Variants in GRIK1 observed in about 807,000 individuals in gnomAD.
GRIK1 encodes the protein glutamate receptor ionotropic, kainate 1.
Under a neutral mutation model 105.7 loss-of-function variants are expected in GRIK1, and 69 were observed. The ratio of observed to expected loss-of-function variants is 0.65; its 90% CI spans 0.54 to 0.80. The LOEUF (loss-of-function observed/expected upper bound fraction) is 0.80. Ranked by LOEUF, GRIK1 falls within the 30% of genes least tolerant of loss-of-function variation. The pLI, the probability that GRIK1 is intolerant of heterozygous loss-of-function variation, is 0.00. For missense variants in GRIK1, 1,109 were observed against 1,167.3 expected (o/e 0.95, Z 0.73); for synonymous variants, 438 against 431.3 (o/e 1.02, Z -0.19).
At chr21:29,600,612 G>A (rs1014002949) in intron 7 of GRIK1, among the ~76,000 whole-genome samples, 6 of 152,120 alleles carry the variant, frequency 3.9e-5, no homozygotes, top group South Asian at 2.1e-4. Context: ...AGTTATTTGC[G>A]CCACGTATAT....
intron 1 of GRIK1, among the ~76,000 whole-genome samples, chr21:29,840,146 T>C (rs1476319215): frequency 1.3e-5 from 2 of 152,194 alleles, no homozygotes; most frequent in East Asian, 3.9e-4. Context: ...AGCCTTGAAA[T>C]TAGATGATTC....
At chr21:29,724,882 T>C (rs2064414379) in intron 1 of GRIK1, among the ~76,000 whole-genome samples, 1 of 152,192 alleles carries the variant, frequency 6.6e-6, no homozygotes, top group Non-Finnish European at 1.5e-5. Context: ...TTCTTCCTTT[T>C]CTTGGAGGTC....
intron 12 of GRIK1, among the ~76,000 whole-genome samples, chr21:29,585,477 C>T (rs1214773680): frequency 1.3e-5 from 2 of 152,118 alleles, no homozygotes; most frequent in African/African-American, 4.8e-5. Flanking sequence ...TTGGTCAAGT[C>T]ATGTAATAAA....
intron 1 of GRIK1, among the ~76,000 whole-genome samples, chr21:29,802,846 C>T (rs991656021): frequency 6.6e-6 from 1 of 152,124 alleles, no homozygotes; most frequent in African/African-American, 2.4e-5. Flanking sequence ...AATTTGATCC[C>T]GGATCTTCCA....
At chr21:29,845,312 G>A (rs540730939) in intron 1 of GRIK1, among the ~76,000 whole-genome samples, 16 of 151,840 alleles carry the variant, frequency 1.1e-4, no homozygotes, top group Non-Finnish European at 2.2e-4. Flanking sequence ...CCACATTTAT[G>A]GTAAAACACA....
chr21:29,539,429 C>T (rs1008544499), intron 16 of GRIK1, among the ~76,000 whole-genome samples: 7 of 152,014 alleles, frequency 4.6e-5, no homozygotes, highest in South Asian at 2.1e-4. Flanking sequence ...TATTGAATAC[C>T]GTGCTGAAAG....
At chr21:29,846,698 A>C (rs1424921035) in intron 1 of GRIK1, among the ~76,000 whole-genome samples, 1 of 134,322 alleles carries the variant, frequency 7.4e-6, no homozygotes, top group Non-Finnish European at 1.6e-5. Context: ...CTGCTTAAAG[A>C]ATGAGAAGGG....
At chr21:29,756,947 C>G (rs1438833452) in intron 1 of GRIK1, among the ~76,000 whole-genome samples, 1 of 151,918 alleles carries the variant, frequency 6.6e-6, no homozygotes, top group Non-Finnish European at 1.5e-5. Flanking sequence ...AACCCCATCT[C>G]TACTAAAAAC....
chr21:29,655,619 AG>A (rs1234647339), intron 4 of GRIK1, among the ~76,000 whole-genome samples: 1 of 152,176 alleles, frequency 6.6e-6, no homozygotes, highest in African/African-American at 2.4e-5. Flanking sequence ...ACTGGTATGT[AG>A]ATATGTTTAA....
intron 4 of GRIK1, among the ~76,000 whole-genome samples, chr21:29,665,716 A>G (rs2146616531): frequency 6.6e-6 from 1 of 152,360 alleles, no homozygotes; most frequent in South Asian, 2.1e-4. Context: ...TTGTTTACAG[A>G]TGAGGTGACT....
chr21:29,692,046 T>TAGTG (rs1196888410), intron 2 of GRIK1, among the ~76,000 whole-genome samples: 6 of 152,170 alleles, frequency 3.9e-5, no homozygotes, highest in African/African-American at 1.4e-4. Flanking sequence ...TGGAGCTGGA[T>TAGTG]AGTGTTGTTC....
At chr21:29,763,180 T>C (rs1239469641) in intron 1 of GRIK1, among the ~76,000 whole-genome samples, 3 of 152,172 alleles carry the variant, frequency 2.0e-5, no homozygotes, top group Non-Finnish European at 2.9e-5. Context: ...GCTGTTCTCA[T>C]GATAATGCAG....
chr21:29,793,346 G>A (rs1428773449), intron 1 of GRIK1, among the ~76,000 whole-genome samples: 2 of 152,174 alleles, frequency 1.3e-5, no homozygotes, highest in African/African-American at 4.8e-5. Flanking sequence ...ATAGTCCACA[G>A]GAATGTTGCT....
In GRIK1 at chr21:29,848,673, A is replaced by G. The variant is rs114914630; in HGVS notation, c.118+90710T>C. 2.7e-3 allele frequency among the ~76,000 whole-genome samples: 408 copies of G among 150,760 alleles called. 1 individual carries two copies. The highest frequency in any genetic ancestry group is 9.4e-3 in the African/African-American group (387 of 41,008). On this transcript the variant is annotated intron_variant, in intron 1 of 17. Transcript: ENST00000327783. ...CTTAATATCATCTACAAGGCTCTATATAGCCTGGCATTTGCATACCGTTTA... is the reference window on the plus strand; with the variant it reads ...CTTAATATCATCTACAAGGCTCTATGTAGCCTGGCATTTGCATACCGTTTA...
At chr21:29,880,375 T>C (rs576508989) in intron 1 of GRIK1, among the ~76,000 whole-genome samples, 38 of 152,082 alleles carry the variant, frequency 2.5e-4, no homozygotes, top group Non-Finnish European at 4.9e-4. Flanking sequence ...TTAAGAAAAA[T>C]GGTCTGGCAA....
rs781612122 is a variant in GRIK1, at chr21:29,591,127, A to G, written c.1350T>C (p.Ile450=). 2 of 1,580,902 alleles carry G rather than the reference A, an allele frequency of 1.3e-6. No individual in the cohort carries two copies. The highest frequency in any genetic ancestry group is 8.7e-7 in the Non-Finnish European group (1 of 1,149,522). The change falls in exon 10 of 18, where the codon ATT becomes ATC. Residue 450 remains isoleucine (I), a synonymous_variant. Transcript: ENST00000327783. ...GTCAACTTACCAGAATGGTGGTGACAATGAGTGTTCTGTTGGCCAATGAAT... is the reference window on the plus strand; with the variant it reads ...GTCAACTTACCAGAATGGTGGTGACGATGAGTGTTCTGTTGGCCAATGAAT... ...ITDSLANRTL[I]VTTILEEPYV... is the part of the protein sequence containing the mutation.
intron 4 of GRIK1, among the ~76,000 whole-genome samples, chr21:29,672,032 G>C (rs1054013157): frequency 6.6e-6 from 1 of 150,928 alleles, no homozygotes; most frequent in Non-Finnish European, 1.5e-5. Flanking sequence ...ACCAGTCTGC[G>C]CTTTGTTTCT....
intron 1 of GRIK1, among the ~76,000 whole-genome samples, chr21:29,880,250 CATA>C (rs1245736014): frequency 1.3e-5 from 2 of 152,080 alleles, no homozygotes; most frequent in African/African-American, 4.8e-5. Flanking sequence ...TATTTGTCAG[CATA>C]AAACTTCCTA....
intron 1 of GRIK1, among the ~76,000 whole-genome samples, chr21:29,833,944 A>G (rs2067710297): frequency 6.6e-6 from 1 of 152,222 alleles, no homozygotes; most frequent in South Asian, 2.1e-4. Context: ...ACATATACAT[A>G]ACATACACAT....
Sources: allele counts gnomAD v4.1 joint callset (sites outside exome capture counted in the v4.1 genomes callset), GRCh38; gene constraint gnomAD v4.1.1; transcripts MANE v1.5; gene names NCBI Gene and HGNC (gene_info 2026-07-23, HGNC 2026-07-21).